Variants in DOCK1 observed in about 807,000 individuals in gnomAD.
The protein encoded by DOCK1 is dedicator of cytokinesis 1.
In DOCK1, 138 loss-of-function variants were observed where a neutral mutation model predicts 262.7. The observed-to-expected ratio is 0.53, with a 90% CI of 0.46 to 0.61. The LOEUF is 0.61. Ranked by LOEUF, DOCK1 falls within the 20% of genes least tolerant of loss-of-function variation. The pLI is 0.00. For missense variants in DOCK1, 1,908 were observed against 2,370.7 expected (o/e 0.80, Z 4.05); for synonymous variants, 866 against 867.4 (o/e 1.00, Z 0.03).
chr10:127,258,703 C>T (rs1232374999), intron 29 of DOCK1, among the ~76,000 whole-genome samples: 1 of 152,194 alleles, frequency 6.6e-6, no homozygotes, highest in Non-Finnish European at 1.5e-5. Context: ...CATTTCGTGA[C>T]GTAGGAAACT....
intron 21 of DOCK1, among the ~76,000 whole-genome samples, chr10:127,047,364 G>A (rs751864752): frequency 6.6e-5 from 10 of 152,092 alleles, no homozygotes; most frequent in Non-Finnish European, 1.3e-4. Flanking sequence ...TAGTGCAGAC[G>A]ATAAAAGTTC....
chr10:127,144,797 A>G (rs2051636833), intron 27 of DOCK1, among the ~76,000 whole-genome samples: 1 of 152,278 alleles, frequency 6.6e-6, no homozygotes, highest in African/African-American at 2.4e-5. Context: ...CTTTACCACT[A>G]TTTTACATGG....
At chr10:126,910,706 C>T (rs979224376) in intron 1 of DOCK1, among the ~76,000 whole-genome samples, 1 of 152,194 alleles carries the variant, frequency 6.6e-6, no homozygotes, top group Non-Finnish European at 1.5e-5. Context: ...ACATTTCCAG[C>T]ACCACAAGCA....
chr10:127,313,614 G>T (rs1191967316), intron 29 of DOCK1, among the ~76,000 whole-genome samples: 2 of 152,122 alleles, frequency 1.3e-5, no homozygotes, highest in African/African-American at 2.4e-5. Context: ...CACATTTTCA[G>T]AAGGATGGAG....
At chr10:127,029,471 A>G (rs1199800102) in intron 16 of DOCK1, among the ~76,000 whole-genome samples, 2 of 152,120 alleles carry the variant, frequency 1.3e-5, no homozygotes, top group African/African-American at 4.8e-5. Context: ...CCTGTCGGCA[A>G]CTCCAGCTGC....
At chr10:126,986,336 T>G (rs2039382323) in intron 4 of DOCK1, among the ~76,000 whole-genome samples, 1 of 152,040 alleles carries the variant, frequency 6.6e-6, no homozygotes, top group African/African-American at 2.4e-5. Context: ...CCAGTCAGGG[T>G]TCCTTCCACA....
intron 29 of DOCK1, among the ~76,000 whole-genome samples, chr10:127,305,324 C>A (rs1434563594): frequency 3.3e-5 from 5 of 152,128 alleles, no homozygotes. Flanking sequence ...TCTGATGAGT[C>A]GGGCAGAAGA....
intron 27 of DOCK1, among the ~76,000 whole-genome samples, chr10:127,166,541 G>A (rs887398737): frequency 3.0e-4 from 45 of 152,114 alleles, no homozygotes; most frequent in African/African-American, 1.1e-3. Context: ...CCTCATGGAG[G>A]GCATTCCCAC....
chr10:126,955,050 C>T (rs1167581899), intron 1 of DOCK1, among the ~76,000 whole-genome samples: 1 of 152,228 alleles, frequency 6.6e-6, no homozygotes, highest in Non-Finnish European at 1.5e-5. Flanking sequence ...TCTGCTGCTT[C>T]AGATCCTTAC....
intron 29 of DOCK1, among the ~76,000 whole-genome samples, chr10:127,283,112 C>T (rs2061021720): frequency 6.6e-6 from 1 of 152,252 alleles, no homozygotes; most frequent in South Asian, 2.1e-4. Context: ...GCTGCACCTC[C>T]TGCTTTGCTC....
chr10:127,414,500 T>C (rs1338793949), intron 43 of DOCK1, among the ~76,000 whole-genome samples: 1 of 152,220 alleles, frequency 6.6e-6, no homozygotes, highest in African/African-American at 2.4e-5. Flanking sequence ...TGTCAAATGA[T>C]GTTTTTATTT....
intron 30 of DOCK1, among the ~76,000 whole-genome samples, chr10:127,342,785 AT>A (rs1470133733): frequency 7.5e-5 from 4 of 53,444 alleles, no homozygotes; most frequent in Middle Eastern, 0.016. Context: ...AACCGCATAT[AT>A]GTAGTCCATA....
chr10:127,377,038 G>T (rs1298625320), intron 35 of DOCK1, among the ~76,000 whole-genome samples: 1 of 152,210 alleles, frequency 6.6e-6, no homozygotes, highest in African/African-American at 2.4e-5. Context: ...CACACCCTGG[G>T]TTCTCAAGGT....
At chr10:127,103,507 C>T (rs749426276) in intron 23 of DOCK1, among the ~76,000 whole-genome samples, 4 of 151,992 alleles carry the variant, frequency 2.6e-5, no homozygotes, top group Admixed American at 1.3e-4. Context: ...TTTCCTCTGT[C>T]GGGGGTTTTC....
chr10:127,046,819 A>G (rs2044381365), intron 21 of DOCK1, among the ~76,000 whole-genome samples: 3 of 150,334 alleles, frequency 2.0e-5, no homozygotes, highest in Admixed American at 2.0e-4. Flanking sequence ...AGGTACTCTT[A>G]GCTCATCCAT....
rs748922919 is a variant in DOCK1 at position 127,419,681 on chromosome 10, C to G, written c.4708C>G (p.Arg1570Gly). The G allele has an allele frequency of 1.2e-6, 2 of 1,604,948 alleles. No homozygotes were observed. The highest frequency in any genetic ancestry group is 1.7e-6 in the Non-Finnish European group (2 of 1,175,602). The change falls in exon 46 of 52, where the codon CGG (arginine) becomes GGG (glycine). Residue 1570 changes from arginine (R) to glycine (G), a missense_variant. By Grantham distance (125) the Arg-to-Gly change is moderately radical. Coordinates refer to ENST00000623213, the MANE Select transcript of DOCK1 (RefSeq NM_001290223.2). ...ANYEKAFFTD[R>G]YLQEHPEAHE... is the part of the protein sequence containing the mutation. ...TCTCCACCAGGCCTTCTTTACAGACCGGTACCTGCAGGAGCACCCTGAGGC... is the reference window on the plus strand; with the variant it reads ...TCTCCACCAGGCCTTCTTTACAGACGGGTACCTGCAGGAGCACCCTGAGGC...
intron 27 of DOCK1, among the ~76,000 whole-genome samples, chr10:127,214,761 G>GC (rs1364224298): frequency 1.3e-5 from 2 of 152,228 alleles, no homozygotes; most frequent in East Asian, 3.9e-4. Context: ...GGAAACAGAG[G>GC]CCCCCAGTGT....
intron 10 of DOCK1, among the ~76,000 whole-genome samples, chr10:127,003,997 C>G (rs570886464): frequency 6.6e-6 from 1 of 151,818 alleles, no homozygotes; most frequent in Admixed American, 6.6e-5. Flanking sequence ...GCTCACACCT[C>G]TAATCCCAGA....
chr10:126,994,433 A>G (rs2040020192), intron 6 of DOCK1, among the ~76,000 whole-genome samples: 2 of 152,148 alleles, frequency 1.3e-5, no homozygotes, highest in Non-Finnish European at 2.9e-5. Context: ...ATGTGAACAA[A>G]GGTCTCTGGT....
Sources: gnomAD v4.1 joint callset for allele counts (sites outside exome capture counted in the v4.1 genomes callset) on GRCh38, gnomAD v4.1.1 for gene constraint, MANE v1.5 for transcripts, NCBI Gene and HGNC (gene_info 2026-07-23, HGNC 2026-07-21) for gene names.